The following NUP107 variants were observed in gnomAD, a reference collection of about 807,000 sequenced individuals.
NUP107 encodes the protein nucleoporin 107.
NUP107 carries 101 observed loss-of-function variants against 141.0 expected under a neutral mutation model. That is an observed-to-expected ratio of 0.72 (90% CI 0.61 to 0.84). The LOEUF is 0.84. NUP107 is among the 40% of genes least tolerant of loss of function. The pLI is 0.00. For missense variants in NUP107, 941 were observed against 1,102.7 expected (o/e 0.85, Z 2.08); for synonymous variants, 319 against 363.9 (o/e 0.88, Z 1.41).
chr12:68,711,353 AAAAT>A (rs969086776), intron 10 of NUP107, among the ~76,000 whole-genome samples: 5 of 151,956 alleles, frequency 3.3e-5, no homozygotes, highest in African/African-American at 9.7e-5. Context: ...CCTGTCTCAA[AAAAT>A]AAATAAATAA....
chr12:68,741,531 TTTCTG>T (rs1878319701), intron 26 of NUP107, among the ~76,000 whole-genome samples: 2 of 152,194 alleles, frequency 1.3e-5, no homozygotes, highest in Admixed American at 1.3e-4. Flanking sequence ...TGGTGATTGT[TTTCTG>T]TTCTGATTTT....
rs1241419082 is a variant in NUP107 at position 68,700,818 on chromosome 12, G to A, written c.645G>A (p.Glu215=). Residue 215 remains glutamate, a synonymous_variant, in exon 7 of 28, where the codon GAG becomes GAA. Coordinates refer to ENST00000229179, the MANE Select transcript of NUP107 (RefSeq NM_020401.4). The part of the protein sequence containing the change: ...TASMLWLLQQ[E]MVTWRLLASL... ...GTATGCTCTGGCTTCTTCAACAGGA[G>A]ATGGTCACATGGAGGCTGCTGGCTT... The A allele has an allele frequency of 6.2e-7, 1 of 1,608,098 alleles. No homozygotes were observed. The highest frequency in any genetic ancestry group is 1.7e-5 in the Admixed American group (1 of 58,072).
At chr12:68,739,310 C>T (rs926532313) in intron 26 of NUP107, among the ~76,000 whole-genome samples, 1 of 152,136 alleles carries the variant, frequency 6.6e-6, no homozygotes, top group Non-Finnish European at 1.5e-5. Context: ...TGTATGTCTA[C>T]CCTCATTAGA....
chr12:68,707,036 C>A, intron 8 of NUP107: 1 of 600,448 alleles, frequency 1.7e-6, no homozygotes, highest in Non-Finnish European at 3.0e-6. Context: ...CGATGGAAAG[C>A]TAGTGTCTGA....
rs924218506 is a variant in NUP107 at position 68,696,448 on chromosome 12, C to T, written c.449-371C>T. ...TTCAAACAGGCTGGGTGCGGTGGCT[C>T]ACGCCTGTAATGCCAGCACTTTGGG... On this transcript the variant is annotated intron_variant, in intron 5 of 27. Coordinates refer to ENST00000229179, the MANE Select transcript of NUP107 (RefSeq NM_020401.4). Among the ~76,000 whole-genome samples, 7 of 152,150 alleles carry T rather than the reference C, an allele frequency of 4.6e-5. No homozygotes were observed. The South Asian group carries it at 1.5e-3, about 32-fold the overall frequency.
chr12:68,689,635 T>G lies in NUP107; in HGVS notation c.187+16T>G. 6.7e-7 allele frequency: 1 copy of G among 1,486,244 alleles called. No individual in the cohort carries two copies. The highest frequency in any genetic ancestry group is 9.3e-7 in the Non-Finnish European group (1 of 1,070,694). 92.1% of individuals were successfully genotyped at this position (1,486,244 alleles called of 1,614,324 possible). A position where few individuals can be genotyped will look rare whatever the true frequency, so the allele number is the denominator to read the frequency against. ...CGACAGCCTTGTAAGATTTTTTGCT[T>G]TTAAAGCATTTAATAATAACGGTAA... On this transcript the variant is annotated intron_variant, in intron 3 of 27. Coordinates refer to ENST00000229179, the MANE Select transcript of NUP107 (RefSeq NM_020401.4).
chr12:68,702,708 T>G, intron 7 of NUP107, 28 bp from the exon 8 acceptor site: 2 of 1,493,208 alleles, frequency 1.3e-6, no homozygotes, highest in Non-Finnish European at 1.8e-6. Flanking sequence ...GAAATAAGGC[T>G]TTTTTATTTT....
Position 68,745,107 on chromosome 12 carries a change from G to A in NUP107, c.*2645G>A, listed in dbSNP as rs1158294964. The stretch of plus-strand genomic sequence containing the variant: ...TTTATTTATTTAATTTAGAGATGGG[G>A]GTCTCACTATGTTGCCCATCCCGGC... On this transcript the variant is annotated 3_prime_UTR_variant, in exon 28 of 28. Coordinates refer to ENST00000229179, the MANE Select transcript of NUP107 (RefSeq NM_020401.4). 1 of 152,054 alleles carries A rather than the reference G, an allele frequency of 6.6e-6. No homozygotes were observed. The highest frequency in any genetic ancestry group is 1.5e-5 in the Non-Finnish European group (1 of 68,030). The allele number at this position is 152,054 out of a possible 1,614,324, so 9.4% of individuals were successfully genotyped here.
At chr12:68,696,787 T>G in intron 5 of NUP107, 32 bp from the exon 6 acceptor site, 4 of 1,213,828 alleles carry the variant, frequency 3.3e-6, no homozygotes, top group Middle Eastern at 2.0e-4. Context: ...TAACTTTTCT[T>G]TATTCCTTTT....
chr12:68,705,674 A>C, intron 8 of NUP107: 1 of 624,480 alleles, frequency 1.6e-6, no homozygotes, highest in South Asian at 1.5e-5. Flanking sequence ...AAGGTGTCCA[A>C]CTCTGGCCCA....
chr12:68,725,690 T>C (rs771040584), intron 17 of NUP107, 37 bp from the exon 18 acceptor site: 1 of 1,036,708 alleles, frequency 9.6e-7, no homozygotes, highest in Non-Finnish European at 1.5e-6. Flanking sequence ...GAATGACTGC[T>C]AGAAGATTTA....
intron 4 of NUP107, 97 bp from the exon 5 acceptor site, chr12:68,691,871 T>A: frequency 5.2e-6 from 5 of 957,072 alleles, no homozygotes; most frequent in Non-Finnish European, 7.3e-6. Flanking sequence ...CATACATACA[T>A]ATAATTTTTA....
intron 20 of NUP107, among the ~76,000 whole-genome samples, chr12:68,729,551 C>G (rs894743948): frequency 1.3e-5 from 2 of 151,074 alleles, no homozygotes; most frequent in Non-Finnish European, 1.5e-5. Context: ...TCAAGCGATT[C>G]TCTGGCCTCA....
At chr12:68,736,828 A>G (rs1269421986) in intron 26 of NUP107, among the ~76,000 whole-genome samples, 2 of 149,106 alleles carry the variant, frequency 1.3e-5, no homozygotes, top group African/African-American at 4.9e-5. Flanking sequence ...CAGCCTCCCA[A>G]GTAGCTGGGA....
chr12:68,698,029 A>G (rs1213349131), intron 6 of NUP107, among the ~76,000 whole-genome samples: 1 of 147,380 alleles, frequency 6.8e-6, no homozygotes, highest in African/African-American at 2.5e-5. Context: ...CTCCATCTCA[A>G]AAAAAAAAAA....
chr12:68,733,472 G>T lies in NUP107; in HGVS notation c.2122G>T (p.Ala708Ser). ...CACAGCATCAAAAAAGCACGAAGCT[G>T]CAAAAGAAGTATTTGTGAAAATTCC... ...KFLASKKHEAAKEVFVKIPQD... is the reference protein window; with the variant it reads ...KFLASKKHEASKEVFVKIPQD... The change falls in exon 24 of 28, where the codon GCA (alanine) becomes TCA (serine). Residue 708 changes from alanine to serine, a missense_variant. Coordinates refer to ENST00000229179, the MANE Select transcript of NUP107 (RefSeq NM_020401.4). 6.2e-7 allele frequency: 1 copy of T among 1,610,244 alleles called. No homozygotes were observed. The highest frequency in any genetic ancestry group is 8.5e-7 in the Non-Finnish European group (1 of 1,178,304).
chr12:68,702,821 T>A, intron 8 of NUP107, 37 bp downstream of exon 8: 1 of 1,182,886 alleles, frequency 8.5e-7, no homozygotes, highest in Non-Finnish European at 1.2e-6. Flanking sequence ...TATAAATACA[T>A]ACAAATTAAA....
At chr12:68,736,364 C>T (rs533158337) in intron 26 of NUP107, among the ~76,000 whole-genome samples, 2 of 152,238 alleles carry the variant, frequency 1.3e-5, no homozygotes, top group South Asian at 4.1e-4. Context: ...ATTTGAGCCC[C>T]TATTTGCCAC....
At chr12:68,719,025 A>G (rs1592510928) in intron 12 of NUP107, among the ~76,000 whole-genome samples, 1 of 152,178 alleles carries the variant, frequency 6.6e-6, no homozygotes, top group East Asian at 1.9e-4. Context: ...AGTAGCTGGG[A>G]TTACAGGTGC....
Sources: gnomAD v4.1 joint callset for allele counts (sites outside exome capture counted in the v4.1 genomes callset) on GRCh38, gnomAD v4.1.1 for gene constraint, MANE v1.5 for transcripts, NCBI Gene and HGNC (gene_info 2026-07-23, HGNC 2026-07-21) for gene names.